LYPLAL1: variants seen among roughly 807,000 people sequenced by gnomAD.
LYPLAL1 encodes lysophospholipase like 1.
LYPLAL1 carries 23 observed loss-of-function variants against 19.7 expected under a neutral mutation model. That is an observed-to-expected ratio of 1.17 (90% CI 0.84 to 1.65). The LOEUF (loss-of-function observed/expected upper bound fraction) is 1.65. LYPLAL1 is among the 40% of genes most tolerant of loss of function. LYPLAL1 has a pLI of 0.00. For synonymous variants in LYPLAL1, 119 were observed against 96.3 expected (o/e 1.24, Z -1.38); for missense variants, 355 against 279.4 (o/e 1.27, Z -1.93).
chr1:219,214,993 G>A (rs550127837), downstream of LYPLAL1, among the ~76,000 whole-genome samples: 4 of 151,938 alleles, frequency 2.6e-5, no homozygotes, highest in South Asian at 8.3e-4. Flanking sequence ...CCTGACCCAG[G>A]CAATTTTTCT....
the LYPLAL1 span, among the ~76,000 whole-genome samples, chr1:219,367,662 G>A: frequency 1.3e-5 from 2 of 152,196 alleles, no homozygotes; most frequent in African/African-American, 4.8e-5. Flanking sequence ...TGTAGCCCGT[G>A]AACAAGCTGG....
At chr1:219,377,800 C>T in the LYPLAL1 span, among the ~76,000 whole-genome samples, 3 of 152,196 alleles carry the variant, frequency 2.0e-5, no homozygotes, top group East Asian at 3.9e-4. Flanking sequence ...ATCACAAATT[C>T]GTAATTTTTC....
the LYPLAL1 span, among the ~76,000 whole-genome samples, chr1:219,392,666 G>T: frequency 6.6e-6 from 1 of 152,114 alleles, no homozygotes; most frequent in African/African-American, 2.4e-5. Flanking sequence ...ATTTTAAACA[G>T]ACTTCTTAAT....
At chr1:219,210,668 A>G in intron 4 of LYPLAL1, 21 bp downstream of exon 4, 4 of 1,585,636 alleles carry the variant, frequency 2.5e-6, no homozygotes, top group Non-Finnish European at 3.4e-6. Context: ...GATTTAAAAA[A>G]AAATGAAAAA....
At chr1:219,422,176 T>C in the LYPLAL1 span, among the ~76,000 whole-genome samples, 8 of 152,192 alleles carry the variant, frequency 5.3e-5, no homozygotes, top group Non-Finnish European at 1.2e-4. Context: ...AATTAGTAAA[T>C]TGTTAAGATT....
In LYPLAL1 at chr1:219,204,759, A is replaced by AC. The variant is rs1156362336; in HGVS notation, c.362-5772dup. On this transcript the variant is annotated intron_variant, in intron 3 of 4. Coordinates refer to ENST00000366928, the MANE Select transcript of LYPLAL1 (RefSeq NM_138794.5). Reference sequence around the variant, plus strand: ...AAAATTCAAAGTGTTCCTGGCTAATACAGAGTTGGGACTAGAACCCGGGTC... The same window carrying AC: ...AAAATTCAAAGTGTTCCTGGCTAATACCAGAGTTGGGACTAGAACCCGGGTC... 2.6e-5 allele frequency among the ~76,000 whole-genome samples: 4 copies of AC among 152,314 alleles called. No individual in the cohort carries two copies. In the East Asian group the frequency reaches 7.7e-4, roughly 29 times the overall value.
At chr1:219,312,335 TG>T in the LYPLAL1 span, among the ~76,000 whole-genome samples, 1 of 152,210 alleles carries the variant, frequency 6.6e-6, no homozygotes, top group South Asian at 2.1e-4. Context: ...TTCCTTTCCC[TG>T]TTTCTTTAGA....
At chr1:219,181,321 C>G (rs1167066805) in intron 2 of LYPLAL1, among the ~76,000 whole-genome samples, 1 of 152,012 alleles carries the variant, frequency 6.6e-6, no homozygotes, top group Non-Finnish European at 1.5e-5. Flanking sequence ...GCTTCATAAC[C>G]TTATGTGGTT....
chr1:219,376,846 G>A, the LYPLAL1 span, among the ~76,000 whole-genome samples: 6 of 152,150 alleles, frequency 3.9e-5, no homozygotes, highest in African/African-American at 1.4e-4. Context: ...TTTGGCAAGG[G>A]TGTGGGGAAA....
At chr1:219,194,619 T>C (rs1657459065) in intron 3 of LYPLAL1, among the ~76,000 whole-genome samples, 1 of 152,008 alleles carries the variant, frequency 6.6e-6, no homozygotes, top group Admixed American at 6.6e-5. Context: ...AATGATAGTA[T>C]ATATTTCTTT....
chr1:219,432,068 AT>A, the LYPLAL1 span, among the ~76,000 whole-genome samples: 162 of 152,312 alleles, frequency 1.1e-3, no homozygotes, highest in Middle Eastern at 3.4e-3. Flanking sequence ...AGCTGCTTTG[AT>A]TTAAGAAGAC....
At chr1:219,309,944 GT>G in the LYPLAL1 span, among the ~76,000 whole-genome samples, 2 of 152,200 alleles carry the variant, frequency 1.3e-5, no homozygotes, top group African/African-American at 2.4e-5. Flanking sequence ...CCCAGTCTTA[GT>G]TTTGATCTAC....
chr1:219,431,936 A>G, the LYPLAL1 span, among the ~76,000 whole-genome samples: 1 of 152,202 alleles, frequency 6.6e-6, no homozygotes, highest in African/African-American at 2.4e-5. Context: ...GATCTCAGCA[A>G]TACGATTGAG....
chr1:219,382,336 G>A, the LYPLAL1 span, among the ~76,000 whole-genome samples: 1 of 152,160 alleles, frequency 6.6e-6, no homozygotes, highest in African/African-American at 2.4e-5. Flanking sequence ...ATTGCAAACT[G>A]CATTCCAAGT....
chr1:219,362,776 G>A, the LYPLAL1 span, among the ~76,000 whole-genome samples: 1 of 152,032 alleles, frequency 6.6e-6, no homozygotes, highest in African/African-American at 2.4e-5. Context: ...AGTGAGTTTT[G>A]TTCTATTTTA....
chr1:219,284,830 A>G, the LYPLAL1 span, among the ~76,000 whole-genome samples: 1 of 152,054 alleles, frequency 6.6e-6, no homozygotes, highest in Non-Finnish European at 1.5e-5. Context: ...CCATTCCCCA[A>G]CTCTCCTCTG....
intron 3 of LYPLAL1, among the ~76,000 whole-genome samples, chr1:219,206,748 A>G (rs1227977412): frequency 1.3e-5 from 2 of 149,830 alleles, no homozygotes; most frequent in South Asian, 2.1e-4. Context: ...AGTTGTTACC[A>G]TCAAAAGTCT....
At chr1:219,327,190 C>A in the LYPLAL1 span, among the ~76,000 whole-genome samples, 1 of 152,166 alleles carries the variant, frequency 6.6e-6, no homozygotes, top group African/African-American at 2.4e-5. Context: ...CATTAGCCAG[C>A]CTTGACTTCA....
the LYPLAL1 span, among the ~76,000 whole-genome samples, chr1:219,394,620 A>C: frequency 2.0e-5 from 3 of 152,140 alleles, no homozygotes; most frequent in Admixed American, 6.5e-5. Context: ...CATTTAGTAT[A>C]ATGTTTCTTT....
Sources: gnomAD v4.1 joint callset for allele counts (sites outside exome capture counted in the v4.1 genomes callset) on GRCh38, gnomAD v4.1.1 for gene constraint, MANE v1.5 for transcripts, NCBI Gene and HGNC (gene_info 2026-07-23, HGNC 2026-07-21) for gene names.